EVC2: variants seen among roughly 807,000 people sequenced by gnomAD.
EVC2 encodes EvC ciliary complex subunit 2.
Under a neutral mutation model 149.3 loss-of-function variants are expected in EVC2, and 148 were observed. The observed-to-expected ratio is 0.99, with a 90% CI of 0.87 to 1.14. EVC2 has a LOEUF of 1.14. EVC2 is among the 50% of genes most tolerant of loss of function. EVC2 has a pLI of 0.00. For synonymous variants in EVC2, 776 were observed against 649.9 expected (o/e 1.19, Z -2.95); for missense variants, 1,854 against 1,627.3 (o/e 1.14, Z -2.40).
intron 16 of EVC2, among the ~76,000 whole-genome samples, chr4:5,609,312 C>A (rs570973090): frequency 6.6e-6 from 1 of 152,154 alleles, no homozygotes; most frequent in Non-Finnish European, 1.5e-5. Flanking sequence ...ATTCACAGAA[C>A]GAGAGCTGTC....
intron 7 of EVC2, 125 bp from the exon 8 acceptor site, chr4:5,665,774 C>G (rs954388281): frequency 4.1e-6 from 6 of 1,449,836 alleles, no homozygotes; most frequent in East Asian, 5.0e-5. Flanking sequence ...ATTTGAGTCT[C>G]GCTCTGCCAG....
At chr4:5,593,800 G>C (rs993819707) in intron 16 of EVC2, among the ~76,000 whole-genome samples, 1 of 152,164 alleles carries the variant, frequency 6.6e-6, no homozygotes, top group South Asian at 2.1e-4. Context: ...AGGGGTCAGG[G>C]AGTTCCCTTT....
chr4:5,621,083 A>C lies in EVC2; in HGVS notation c.2501+1454T>G, dbSNP rs73198149. Reference sequence around the variant, plus strand: ...CAGAAGAGAGAGATGGGAAAGGGCCAAAGGTCACTTAACGCAAACCAAGAT... The same window carrying C: ...CAGAAGAGAGAGATGGGAAAGGGCCCAAGGTCACTTAACGCAAACCAAGAT... On this transcript the variant is annotated intron_variant, in intron 14 of 21. Coordinates refer to ENST00000344408, the MANE Select transcript of EVC2 (RefSeq NM_147127.5). 6.8e-3 allele frequency among the ~76,000 whole-genome samples: 1,032 copies of C among 152,344 alleles called. 4 individuals are homozygous for C. Among genetic ancestry groups the C allele is most frequent in the African/African-American group, 0.012 (510 of 41,588 alleles).
chr4:5,668,888 T>C (rs1019568117), intron 7 of EVC2, among the ~76,000 whole-genome samples: 6 of 152,226 alleles, frequency 3.9e-5, no homozygotes, highest in African/African-American at 1.4e-4. Context: ...AATGTGACTT[T>C]ATTTAGAAAT....
intron 20 of EVC2, 122 bp from the exon 21 acceptor site, chr4:5,565,481 G>A: frequency 1.2e-6 from 1 of 820,394 alleles, no homozygotes; most frequent in Non-Finnish European, 2.0e-6. Context: ...GACCAGCCTG[G>A]CCAACATGGT....
chr4:5,558,359 C>A (rs969395264), downstream of EVC2, among the ~76,000 whole-genome samples: 1 of 152,040 alleles, frequency 6.6e-6, no homozygotes, highest in Non-Finnish European at 1.5e-5. Context: ...GCCAGGGGTC[C>A]AGGTGGAGGA....
In EVC2 at chr4:5,597,614, C is replaced by T. The variant is rs1370810798; in HGVS notation, c.2830-12764G>A. On this transcript the variant is annotated intron_variant, in intron 16 of 21. Transcript: ENST00000344408. ...TGACAAACCCACAGCCAATATCACACTGAATGGGCAAAAACTGGAAACATT... is the reference window on the plus strand; with the variant it reads ...TGACAAACCCACAGCCAATATCACATTGAATGGGCAAAAACTGGAAACATT... Among the ~76,000 whole-genome samples, 3 of 151,074 alleles carry T rather than the reference C, an allele frequency of 2.0e-5. No individual in the cohort carries two copies. In the Admixed American group the frequency reaches 2.0e-4, roughly 10 times the overall value.
chr4:5,667,376 T>A (rs1560210070), intron 7 of EVC2, among the ~76,000 whole-genome samples: 1 of 151,966 alleles, frequency 6.6e-6, no homozygotes. Flanking sequence ...ATTACTACTA[T>A]TATGATGATG....
At chr4:5,623,084 T>G in intron 13 of EVC2, 93 bp from the exon 14 acceptor site, 1 of 1,147,362 alleles carries the variant, frequency 8.7e-7, no homozygotes, top group South Asian at 1.4e-5. Context: ...CACAGAATGT[T>G]TATAGCCTTT....
rs1238495692 is a variant in EVC2, at chr4:5,637,756, A to G, written c.1470+2758T>C. On this transcript the variant is annotated intron_variant, in intron 10 of 21. Transcript: ENST00000344408. This position sits in a 1 kb window ranked among gnomAD's most constrained non-coding sequence, Gnocchi z 4.4. ...TTAGGTATACAATAGAAACTCAACA[A>G]TGGGCAGAATGAATGATCCTCTGCC... Among the ~76,000 whole-genome samples the G allele has an allele frequency of 1.3e-5, 2 of 151,438 alleles. No individual in the cohort carries two copies. The highest frequency in any genetic ancestry group is 2.9e-5 in the Non-Finnish European group (2 of 67,934).
intron 21 of EVC2, among the ~76,000 whole-genome samples, chr4:5,550,652 A>G (rs1040578909): frequency 2.6e-5 from 4 of 152,276 alleles, no homozygotes; most frequent in Admixed American, 6.5e-5. Context: ...CCAGCTGCAG[A>G]AATTTGCATA....
chr4:5,640,961 T>G lies in EVC2; in HGVS notation c.1146-123A>C. 8.8e-7 allele frequency: 1 copy of G among 1,130,104 alleles called. No individual in the cohort carries two copies. Among genetic ancestry groups the G allele is most frequent in the Non-Finnish European group, 1.3e-6 (1 of 764,546 alleles). The allele number at this position is 1,130,104 out of a possible 1,614,324, so 70.0% of individuals were successfully genotyped here. The stretch of plus-strand genomic sequence containing the variant: ...AGGGCTTTCTTCGTCTTCCTTTTCT[T>G]CCTTTCCCCGCTCACTTCTGCTTCA... On this transcript the variant is annotated intron_variant, in intron 9 of 21. Transcript: ENST00000344408. The surrounding 1 kb of genome is among the most constrained non-coding windows in gnomAD (Gnocchi z 4.6).
At chr4:5,529,815 GTTTTTTTTTTT>G in the EVC2 span, among the ~76,000 whole-genome samples, 2 of 132,088 alleles carry the variant, frequency 1.5e-5, no homozygotes, top group South Asian at 2.5e-4. This position sits in a 1 kb window ranked among gnomAD's most constrained non-coding sequence, Gnocchi z 4.5. Context: ...AGTTATTTAG[GTTTTTTTTTTT>G]TTTTTTTTTG....
At position 5,702,390 on chromosome 4, in the gene EVC2, T is replaced by C. The variant is rs548211635; in HGVS notation, c.229-4743A>G. On this transcript the variant is annotated intron_variant, in intron 1 of 21. Coordinates refer to ENST00000344408, the MANE Select transcript of EVC2 (RefSeq NM_147127.5). Reference sequence around the variant, plus strand: ...CAGGGGCAGGTCTTGGTCTGCCTTATCCTGTTATATTTCAAGCATTTAGGA... The same window carrying C: ...CAGGGGCAGGTCTTGGTCTGCCTTACCCTGTTATATTTCAAGCATTTAGGA... 2.7e-3 allele frequency among the ~76,000 whole-genome samples: 413 copies of C among 152,230 alleles called. 1 individual carries two copies. Among genetic ancestry groups the C allele is most frequent in the Non-Finnish European group, 4.6e-3 (310 of 68,008 alleles).
At chr4:5,656,639 CA>C in intron 9 of EVC2, among the ~76,000 whole-genome samples, 1 of 152,246 alleles carries the variant, frequency 6.6e-6, no homozygotes, top group Middle Eastern at 3.4e-3. Context: ...AAGTTGGCCA[CA>C]AGCCAAGAAG....
intron 18 of EVC2, among the ~76,000 whole-genome samples, chr4:5,575,206 C>T (rs773906717): frequency 2.0e-5 from 3 of 152,206 alleles, no homozygotes; most frequent in East Asian, 1.9e-4. Context: ...GACGCCCACA[C>T]GAGGGGGTCT....
chr4:5,536,550 C>G, the EVC2 span, among the ~76,000 whole-genome samples: 492 of 152,128 alleles, frequency 3.2e-3, 1 homozygote, highest in African/African-American at 0.011. Context: ...TTTGGGAGGC[C>G]AAGGCGGGCA....
chr4:5,583,578 G>A (rs1199672298), intron 17 of EVC2, among the ~76,000 whole-genome samples: 1 of 151,972 alleles, frequency 6.6e-6, no homozygotes, highest in Non-Finnish European at 1.5e-5. Context: ...GCCAATTTTG[G>A]TGATTTGCAT....
chr4:5,675,005 C>T (rs1231319360), intron 7 of EVC2, among the ~76,000 whole-genome samples: 2 of 152,196 alleles, frequency 1.3e-5, no homozygotes, highest in African/African-American at 2.4e-5. Context: ...CTCACAGCCA[C>T]GTGATTTTGC....
Sources: gnomAD v4.1 joint callset for allele counts (sites outside exome capture counted in the v4.1 genomes callset) on GRCh38, gnomAD v4.1.1 for gene constraint, Gnocchi (gnomAD v3.1) non-coding constraint, MANE v1.5 for transcripts, NCBI Gene and HGNC (gene_info 2026-07-23, HGNC 2026-07-21) for gene names.